PCDHA3: variants seen among roughly 807,000 people sequenced by gnomAD.
PCDHA3 encodes protocadherin alpha-3.
PCDHA3 carries 41 observed loss-of-function variants against 62.2 expected under a neutral mutation model. The observed-to-expected ratio is 0.66, with a 90% CI of 0.51 to 0.86. The LOEUF (loss-of-function observed/expected upper bound fraction) is 0.86, where lower values mean the gene tolerates loss of function less well. Ranked by LOEUF, PCDHA3 falls within the 40% of genes least tolerant of loss-of-function variation. The pLI, the probability that PCDHA3 is intolerant of heterozygous loss-of-function variation, is 0.00. For missense variants in PCDHA3, 1,304 were observed against 1,241.2 expected, an observed-to-expected ratio of 1.05 and a Z score of -0.76; for synonymous variants, 640 against 555.4, an observed-to-expected ratio of 1.15 and a Z score of -2.14.
chr5:140,862,832 C>A (rs1554157076), intron 1 of PCDHA3: 1 of 572,198 alleles, frequency 1.7e-6, no homozygotes, highest in South Asian at 1.4e-5. Context: ...GCGCGCGACG[C>A]GGGCATGCCG....
At chr5:140,923,264 C>T (rs2081280629) in intron 1 of PCDHA3, among the ~76,000 whole-genome samples, 1 of 152,170 alleles carries the variant, frequency 6.6e-6, no homozygotes, top group Admixed American at 6.5e-5. Flanking sequence ...CATAGTGAGA[C>T]CTTGTCTCTA....
chr5:140,953,601 C>T (rs1448878513), intron 1 of PCDHA3, among the ~76,000 whole-genome samples: 3 of 152,014 alleles, frequency 2.0e-5, no homozygotes, highest in Non-Finnish European at 4.4e-5. Flanking sequence ...TTGTTTATTC[C>T]CCAGAGTCCT....
chr5:140,960,612 G>C (rs1467595478), intron 1 of PCDHA3, among the ~76,000 whole-genome samples: 1 of 152,110 alleles, frequency 6.6e-6, no homozygotes, highest in Non-Finnish European at 1.5e-5. Context: ...ACAATATCTA[G>C]TGTGTTTTTG....
At chr5:140,823,642 G>C (rs2150127813) in intron 1 of PCDHA3, 2 of 1,614,036 alleles carry the variant, frequency 1.2e-6, no homozygotes, top group South Asian at 2.2e-5. Context: ...CCCGTTCCGC[G>C]TGGGGCTGTA....
rs782803893 is a variant in PCDHA3, at chr5:140,927,898, C to G, written c.2395-51051C>G. 3.1e-6 allele frequency: 5 copies of G among 1,614,230 alleles called. No individual in the cohort carries two copies. In the South Asian group the frequency reaches 4.4e-5, roughly 14 times the overall value. On this transcript the variant is annotated intron_variant, in intron 1 of 3. Coordinates refer to ENST00000522353, the MANE Select transcript of PCDHA3 (RefSeq NM_018906.3). Reference sequence around the variant, plus strand: ...GGTGGAGGTGACTGACGTGAACGATCATGCCCCCGAACTGGACTTCCTGAC... The same window carrying G: ...GGTGGAGGTGACTGACGTGAACGATGATGCCCCCGAACTGGACTTCCTGAC...
intron 1 of PCDHA3, among the ~76,000 whole-genome samples, chr5:140,937,675 G>A (rs2091663642): frequency 6.6e-6 from 1 of 151,688 alleles, no homozygotes; most frequent in Admixed American, 6.6e-5. Flanking sequence ...CACTTTGGGA[G>A]GCTGAGGCAG....
chr5:140,913,981 G>A (rs1222294742), intron 1 of PCDHA3, among the ~76,000 whole-genome samples: 1 of 152,090 alleles, frequency 6.6e-6, no homozygotes, highest in Non-Finnish European at 1.5e-5. Flanking sequence ...TTTAGGACTT[G>A]TATTGTGACT....
chr5:140,974,116 G>T (rs2096616118), intron 1 of PCDHA3, among the ~76,000 whole-genome samples: 1 of 152,192 alleles, frequency 6.6e-6, no homozygotes. Context: ...TTCTTTTGCA[G>T]TGTTTTAAAT....
At chr5:140,846,395 G>A (rs1168454910) in intron 1 of PCDHA3, among the ~76,000 whole-genome samples, 1 of 90,540 alleles carries the variant, frequency 1.1e-5, no homozygotes, top group Non-Finnish European at 2.1e-5. Flanking sequence ...TTTTTTTTGA[G>A]ACGGAGTCTC....
chr5:140,866,884 T>C (rs1016288169), intron 1 of PCDHA3: 1 of 152,130 alleles, frequency 6.6e-6, no homozygotes, highest in Non-Finnish European at 1.5e-5. Flanking sequence ...TATTAGCCTA[T>C]ACCCAGATAT....
Position 140,856,394 on chromosome 5 carries a change from T to C in PCDHA3, c.2394+52803T>C, listed in dbSNP as rs782124565. On this transcript the variant is annotated intron_variant, in intron 1 of 3. Coordinates refer to ENST00000522353, the MANE Select transcript of PCDHA3 (RefSeq NM_018906.3). The stretch of plus-strand genomic sequence containing the variant: ...GATCGTGGACAGGCCGCTGCAGGTT[T>C]TCCATGTGGACGTGGAAGTGAAGGA... The C allele has an allele frequency of 2.5e-6, 4 of 1,598,384 alleles. No individual in the cohort carries two copies. The African/African-American group carries it at 5.4e-5, about 22-fold the overall frequency.
chr5:140,867,224 C>A (rs1432488021), intron 1 of PCDHA3: 7 of 152,034 alleles, frequency 4.6e-5, no homozygotes, highest in African/African-American at 1.4e-4. Flanking sequence ...TCCCCAATTC[C>A]CATAATAAGG....
At chr5:141,004,935 A>C (rs1554259817) in intron 3 of PCDHA3, among the ~76,000 whole-genome samples, 1 of 152,112 alleles carries the variant, frequency 6.6e-6, no homozygotes, top group African/African-American at 2.4e-5. Flanking sequence ...GAGAGAAGAA[A>C]ATTTCTTACC....
intron 1 of PCDHA3, chr5:140,843,190 C>G (rs2150354954): frequency 1.3e-6 from 2 of 1,595,984 alleles, no homozygotes; most frequent in South Asian, 1.1e-5. Context: ...TCCCGTTCCG[C>G]GTGGGGCTGT....
chr5:140,859,774 G>C (rs1214476805), intron 1 of PCDHA3: 1 of 152,534 alleles, frequency 6.6e-6, no homozygotes, highest in Non-Finnish European at 1.5e-5. Flanking sequence ...TCCATGCCCT[G>C]TCTCCAGCTC....
chr5:140,837,423 A>T (rs1278858635), intron 1 of PCDHA3, among the ~76,000 whole-genome samples: 3 of 151,962 alleles, frequency 2.0e-5, no homozygotes, highest in African/African-American at 7.3e-5. Flanking sequence ...TCAAAATTTC[A>T]AAGAGTGAAA....
At chr5:140,811,525 G>A (rs1764893286) in intron 1 of PCDHA3, 1 of 151,974 alleles carries the variant, frequency 6.6e-6, no homozygotes, top group African/African-American at 2.4e-5. Flanking sequence ...TATATACCCA[G>A]TAATGGGTCA....
chr5:140,830,251 G>A (rs1554132671), intron 1 of PCDHA3: 2 of 1,613,892 alleles, frequency 1.2e-6, no homozygotes. Flanking sequence ...TGTACACAGC[G>A]CTGCGGTGCT....
chr5:141,010,535 C>G lies in PCDHA3; in HGVS notation c.*598C>G, dbSNP rs1423355739. 1 of 386,620 alleles carries G rather than the reference C, an allele frequency of 2.6e-6. No homozygotes were observed. Among genetic ancestry groups the G allele is most frequent in the African/African-American group, 2.0e-5 (1 of 48,880 alleles). 23.9% of individuals were successfully genotyped at this position (386,620 alleles called of 1,614,324 possible). On this transcript the variant is annotated 3_prime_UTR_variant, in exon 4 of 4. Coordinates refer to ENST00000522353, the MANE Select transcript of PCDHA3 (RefSeq NM_018906.3). ...CAACTCAAGAGGTGGCAGCCACCCT[C>G]TAGGAGACAAAACTACCCCCACTGA...
Sources: gnomAD v4.1 joint callset for allele counts (sites outside exome capture counted in the v4.1 genomes callset) on GRCh38, gnomAD v4.1.1 for gene constraint, MANE v1.5 for transcripts, NCBI Gene and HGNC (gene_info 2026-07-23, HGNC 2026-07-21) for gene names.